Variants in DOCK8 observed in about 807,000 individuals in gnomAD.
DOCK8 encodes the protein dedicator of cytokinesis 8.
DOCK8 carries 141 observed loss-of-function variants against 245.6 expected under a neutral mutation model. That is an observed-to-expected ratio of 0.57 (90% confidence interval 0.50 to 0.66). The LOEUF (loss-of-function observed/expected upper bound fraction) is 0.66, where lower values mean the gene tolerates loss of function less well. Among genes scored for constraint, DOCK8 ranks in the 30% least tolerant of loss-of-function variants. The pLI is 0.00. For missense variants in DOCK8, 2,965 were observed against 2,603.4 expected (o/e 1.14, Z -3.02); for synonymous variants, 1,168 against 970.2 (o/e 1.20, Z -3.79).
chr9:349,155 CAG>C lies in DOCK8; in HGVS notation c.1679+8837_1679+8838del, dbSNP rs1327648868. Among the ~76,000 whole-genome samples the C allele has an allele frequency of 2.0e-5, 3 of 152,178 alleles. No homozygotes were observed. The East Asian group carries it at 5.8e-4, about 29-fold the overall frequency. On this transcript the variant is annotated intron_variant, in intron 14 of 47. Coordinates refer to ENST00000432829, the MANE Select transcript of DOCK8 (RefSeq NM_203447.4). Reference sequence around the variant, plus strand: ...GTAAACCCCACAGTACAAAATAAAACAGAGCTGTGAGTAGTTGAAAGGACTGT... The same window carrying C: ...GTAAACCCCACAGTACAAAATAAAACAGCTGTGAGTAGTTGAAAGGACTGT...
chr9:220,329 GGAGTTCTTT>G (rs1389834632), intron 1 of DOCK8, among the ~76,000 whole-genome samples: 1 of 152,086 alleles, frequency 6.6e-6, no homozygotes, highest in East Asian at 1.9e-4. Flanking sequence ...TTCTTCATTT[GGAGTTCTTT>G]GAGTTCTGAC....
intron 2 of DOCK8, among the ~76,000 whole-genome samples, chr9:282,183 C>T (rs182948312): frequency 6.6e-6 from 1 of 152,202 alleles, no homozygotes; most frequent in Non-Finnish European, 1.5e-5. Flanking sequence ...AGTGCAATTC[C>T]GTGAGAACAA....
chr9:297,594 A>G (rs924294411), intron 4 of DOCK8, among the ~76,000 whole-genome samples: 2 of 152,098 alleles, frequency 1.3e-5, no homozygotes, highest in African/African-American at 2.4e-5. Flanking sequence ...AGGGTGGGGT[A>G]ATGAAGCTGG....
intron 29 of DOCK8, among the ~76,000 whole-genome samples, chr9:416,695 C>T (rs1564037772): frequency 6.6e-6 from 1 of 152,152 alleles, no homozygotes; most frequent in African/African-American, 2.4e-5. Context: ...TATAAGTGAC[C>T]TTTGAAAGGC....
At chr9:335,640 G>A (rs1206926507) in intron 11 of DOCK8, among the ~76,000 whole-genome samples, 1 of 152,094 alleles carries the variant, frequency 6.6e-6, no homozygotes, top group Admixed American at 6.6e-5. Flanking sequence ...TAAGAGTTAT[G>A]TATAGAGCTT....
At chr9:365,099 G>A (rs1269759811) in intron 14 of DOCK8, among the ~76,000 whole-genome samples, 1 of 152,248 alleles carries the variant, frequency 6.6e-6, no homozygotes, top group Non-Finnish European at 1.5e-5. Flanking sequence ...ATTGCCAAGG[G>A]CAAGGTCATG....
intron 7 of DOCK8, 117 bp downstream of exon 7, chr9:317,245 A>G (rs2050386833): frequency 5.9e-6 from 5 of 847,246 alleles, no homozygotes; most frequent in South Asian, 2.9e-5. Context: ...TACGTCTAAC[A>G]GTGGGCAGCT....
intron 1 of DOCK8, among the ~76,000 whole-genome samples, chr9:252,577 C>T (rs1360343726): frequency 6.6e-6 from 1 of 151,874 alleles, no homozygotes; most frequent in Non-Finnish European, 1.5e-5. Context: ...CCGAGGCGGG[C>T]AGATCACCTG....
At chr9:350,039 T>G (rs2052080713) in intron 14 of DOCK8, among the ~76,000 whole-genome samples, 1 of 152,216 alleles carries the variant, frequency 6.6e-6, no homozygotes, top group South Asian at 2.1e-4. Flanking sequence ...CATTCTCACC[T>G]TTCCAGGAAT....
At chr9:291,359 C>T (rs566624289) in intron 4 of DOCK8, among the ~76,000 whole-genome samples, 1 of 152,158 alleles carries the variant, frequency 6.6e-6, no homozygotes, top group Non-Finnish European at 1.5e-5. Flanking sequence ...ACACAAATCA[C>T]TCAGTTTCAC....
chr9:219,558 A>G (rs1297381732), intron 1 of DOCK8, among the ~76,000 whole-genome samples: 1 of 152,204 alleles, frequency 6.6e-6, no homozygotes, highest in African/African-American at 2.4e-5. Context: ...AGACAAAAAC[A>G]AGGTGGCAAG....
At chr9:400,163 C>T (rs368714357) in intron 26 of DOCK8, among the ~76,000 whole-genome samples, 2 of 101,442 alleles carry the variant, frequency 2.0e-5, no homozygotes, top group African/African-American at 4.0e-5. Flanking sequence ...ACCACCACCA[C>T]CACCTCCACC....
intron 1 of DOCK8, among the ~76,000 whole-genome samples, chr9:250,463 C>T (rs975718374): frequency 6.6e-6 from 1 of 152,140 alleles, no homozygotes; most frequent in African/African-American, 2.4e-5. Flanking sequence ...ATAAAATATT[C>T]CCAGTAGACT....
chr9:223,843 T>A (rs605001), intron 1 of DOCK8, among the ~76,000 whole-genome samples: 83,463 of 151,670 alleles, frequency 0.55, 23,659 homozygotes, highest in East Asian at 0.75. Flanking sequence ...CCATTTCTGT[T>A]CTCCCTGCTG....
At chr9:413,845 A>G (rs1272886413) in intron 28 of DOCK8, among the ~76,000 whole-genome samples, 8 of 152,224 alleles carry the variant, frequency 5.3e-5, no homozygotes, top group Non-Finnish European at 1.2e-4. Context: ...GATTCCTCTA[A>G]AAGTTAAACA....
Position 439,391 on chromosome 9 carries a change from C to A in DOCK8, c.5223+3C>A, listed in dbSNP as rs747423240. On this transcript the variant is annotated splice_donor_region_variant and intron_variant, in intron 40 of 47. Transcript: ENST00000432829. ...AGGCCGCGGAGCTCTTCAGCACGGTCAGTGCCCAGAGGGCATCCCGGGGCC... is the reference window on the plus strand; with the variant it reads ...AGGCCGCGGAGCTCTTCAGCACGGTAAGTGCCCAGAGGGCATCCCGGGGCC... 2 of 1,612,826 alleles carry A rather than the reference C, an allele frequency of 1.2e-6. No homozygotes were observed. Among genetic ancestry groups the A allele is most frequent in the South Asian group, 2.2e-5 (2 of 91,018 alleles).
intron 4 of DOCK8, among the ~76,000 whole-genome samples, chr9:303,731 A>G (rs1482680938): frequency 6.6e-6 from 1 of 152,196 alleles, no homozygotes; most frequent in African/African-American, 2.4e-5. Context: ...TGCATACATC[A>G]AACCTAAGTG....
intron 33 of DOCK8, 69 bp downstream of exon 33, chr9:422,204 A>G (rs187902074): frequency 3.0e-6 from 4 of 1,321,928 alleles, no homozygotes; most frequent in Non-Finnish European, 4.4e-6. Context: ...GGCTGCTTGT[A>G]TTACTGAAAC....
intron 1 of DOCK8, 30 bp downstream of exon 1, chr9:215,059 C>T (rs769848290): frequency 2.6e-6 from 4 of 1,552,672 alleles, no homozygotes; most frequent in East Asian, 4.9e-5. Context: ...GCGCAGGTTG[C>T]GGCCGGACAG....
Sources: allele counts gnomAD v4.1 joint callset (sites outside exome capture counted in the v4.1 genomes callset), GRCh38; gene constraint gnomAD v4.1.1; transcripts MANE v1.5; gene names NCBI Gene and HGNC (gene_info 2026-07-23, HGNC 2026-07-21).